Variants in AP2A2 observed in about 807,000 individuals in gnomAD.
AP2A2 encodes the protein AP-2 complex subunit alpha-2.
A neutral mutation model predicts 104.2 loss-of-function variants in AP2A2; 32 were observed. That is an observed-to-expected ratio of 0.31 (90% CI 0.23 to 0.41). The LOEUF (loss-of-function observed/expected upper bound fraction) is 0.41, where lower values mean the gene tolerates loss of function less well. AP2A2 is among the 10% of genes least tolerant of loss of function. AP2A2 has a pLI of 1.00. For missense variants in AP2A2, 912 were observed against 1,261.0 expected, an observed-to-expected ratio of 0.72 and a Z score of 4.19; for synonymous variants, 539 against 533.3, an observed-to-expected ratio of 1.01 and a Z score of -0.15.
At chr11:958,916 C>T (rs909947106) in intron 1 of AP2A2, among the ~76,000 whole-genome samples, 2 of 152,174 alleles carry the variant, frequency 1.3e-5, no homozygotes, top group Non-Finnish European at 2.9e-5. Context: ...ATGCGTGTTG[C>T]AGAGGCTGCA....
intron 5 of AP2A2, 32 bp from the exon 6 acceptor site, chr11:981,166 G>T: frequency 6.4e-7 from 1 of 1,568,428 alleles, no homozygotes; most frequent in East Asian, 2.3e-5. Context: ...AGCTTCAAGT[G>T]TTCTGACTCT....
chr11:962,058 G>A (rs1854460450), intron 2 of AP2A2, among the ~76,000 whole-genome samples: 1 of 152,266 alleles, frequency 6.6e-6, no homozygotes, highest in South Asian at 2.1e-4. Flanking sequence ...CCATCAGGGA[G>A]CTCGGGAGCC....
chr11:1,000,195 T>C (rs1157753177), intron 14 of AP2A2, among the ~76,000 whole-genome samples: 2 of 152,150 alleles, frequency 1.3e-5, no homozygotes, highest in African/African-American at 4.8e-5. Flanking sequence ...CTTAGTGAAA[T>C]TATGACTGAT....
chr11:994,953 G>T (rs1236291606), intron 14 of AP2A2, among the ~76,000 whole-genome samples: 2 of 123,684 alleles, frequency 1.6e-5, no homozygotes, highest in Non-Finnish European at 3.6e-5. Context: ...TGCACACCCC[G>T]CTGGCTTGTC....
chr11:988,055 G>A (rs1026823059), intron 9 of AP2A2, among the ~76,000 whole-genome samples: 1 of 152,272 alleles, frequency 6.6e-6, no homozygotes, highest in Non-Finnish European at 1.5e-5. Flanking sequence ...TAGCGCTGGT[G>A]GTGCCCACTC....
intron 1 of AP2A2, among the ~76,000 whole-genome samples, chr11:930,036 G>T (rs1354341989): frequency 2.0e-5 from 3 of 150,072 alleles, no homozygotes; most frequent in Non-Finnish European, 4.4e-5. Flanking sequence ...CGGAAGAATC[G>T]CTTGAACCCA....
intron 4 of AP2A2, among the ~76,000 whole-genome samples, chr11:973,170 A>G (rs1854892627): frequency 1.3e-5 from 2 of 152,202 alleles, no homozygotes; most frequent in African/African-American, 4.8e-5. Context: ...CACAGTGAGG[A>G]CTGGAGACAA....
chr11:942,402 C>A (rs185225023), intron 1 of AP2A2: 1 of 152,184 alleles, frequency 6.6e-6, no homozygotes, highest in Admixed American at 6.5e-5. Flanking sequence ...GTGGTATGTA[C>A]TTTGCAAACC....
intron 1 of AP2A2, among the ~76,000 whole-genome samples, chr11:953,615 C>G (rs1854126202): frequency 2.6e-5 from 3 of 116,232 alleles, no homozygotes; most frequent in Non-Finnish European, 6.1e-5. Context: ...TGGCTCCGTC[C>G]TGGCTCCGTC....
At chr11:972,422 C>T (rs546439515) in intron 4 of AP2A2, among the ~76,000 whole-genome samples, 167 bp downstream of exon 4, 8 of 152,340 alleles carry the variant, frequency 5.3e-5, no homozygotes, top group Middle Eastern at 3.4e-3. Flanking sequence ...AGGCCGGGCA[C>T]GGTGGCTCAC....
Position 992,981 on chromosome 11 carries a change from G to A in AP2A2, c.1452+296G>A, listed in dbSNP as rs1340037545. Among the ~76,000 whole-genome samples the A allele has an allele frequency of 1.3e-5, 2 of 152,298 alleles. No individual in the cohort carries two copies. Among genetic ancestry groups the A allele is most frequent in the Non-Finnish European group, 1.5e-5 (1 of 68,016 alleles). On this transcript the variant is annotated intron_variant, in intron 11 of 21. Transcript: ENST00000448903. The surrounding 1 kb of genome is among the most constrained non-coding windows in gnomAD (Gnocchi z 6.4). Reference sequence around the variant, plus strand: ...CGTGGTGGGGCCTGCCCTGTCCGTCGGAGAGGGTTAGGCCACCGGCAAGGG... The same window carrying A: ...CGTGGTGGGGCCTGCCCTGTCCGTCAGAGAGGGTTAGGCCACCGGCAAGGG...
Position 1,009,043 on chromosome 11 carries a change from C to G in AP2A2, c.2421-57C>G. On this transcript the variant is annotated intron_variant, in intron 18 of 21. Coordinates refer to ENST00000448903, the MANE Select transcript of AP2A2 (RefSeq NM_012305.4). ...CTCACTCCAGGCTCTTTCCCGGTCC[C>G]TGGGGCTCTCAGAGGAGTAGCTGAC... 4.2e-6 allele frequency: 6 copies of G among 1,434,028 alleles called. 1 individual carries two copies. Among genetic ancestry groups the G allele is most frequent in the East Asian group, 4.6e-5 (2 of 43,174 alleles). The allele number at this position is 1,434,028 out of a possible 1,614,324, so 88.8% of individuals were successfully genotyped here. A position where few individuals can be genotyped will look rare whatever the true frequency, so the allele number is the denominator to read the frequency against.
chr11:930,075 T>C (rs960978613), intron 1 of AP2A2, among the ~76,000 whole-genome samples: 4 of 147,144 alleles, frequency 2.7e-5, no homozygotes, highest in African/African-American at 1.0e-4. Flanking sequence ...GAGCTGAGAT[T>C]GTGCCATTGC....
intron 2 of AP2A2, among the ~76,000 whole-genome samples, chr11:963,049 T>A (rs547260614): frequency 6.6e-6 from 1 of 152,034 alleles, no homozygotes; most frequent in Non-Finnish European, 1.5e-5. Context: ...GGCAGCCTCA[T>A]TGAAAAAAAG....
chr11:963,280 G>T (rs1356905837), intron 2 of AP2A2, among the ~76,000 whole-genome samples: 6 of 152,002 alleles, frequency 3.9e-5, no homozygotes, highest in Admixed American at 2.6e-4. Flanking sequence ...ACAAGAATTA[G>T]CTGGGCATGG....
At chr11:959,621 T>C in intron 2 of AP2A2, 116 bp downstream of exon 2, 1 of 720,200 alleles carries the variant, frequency 1.4e-6, no homozygotes, top group Non-Finnish European at 2.3e-6. Context: ...TCTCAGTTTG[T>C]ACAGTTTCTA....
intron 1 of AP2A2, among the ~76,000 whole-genome samples, chr11:944,693 T>C (rs1853774288): frequency 6.6e-6 from 1 of 152,030 alleles, no homozygotes; most frequent in Admixed American, 6.6e-5. Context: ...AAGGCAGCAG[T>C]TGAGCAAGGA....
intron 14 of AP2A2, among the ~76,000 whole-genome samples, chr11:997,650 A>G (rs370760258): frequency 8.5e-5 from 13 of 152,356 alleles, no homozygotes; most frequent in African/African-American, 3.1e-4. Context: ...CACACCTGTA[A>G]TCCCAGCGCT....
At chr11:931,657 A>T (rs1853295678) in intron 1 of AP2A2, among the ~76,000 whole-genome samples, 1 of 152,140 alleles carries the variant, frequency 6.6e-6, no homozygotes, top group African/African-American at 2.4e-5. Flanking sequence ...AGATGGAGAG[A>T]TGTTATTAGC....
Sources: allele counts gnomAD v4.1 joint callset (sites outside exome capture counted in the v4.1 genomes callset), GRCh38; gene constraint gnomAD v4.1.1; non-coding constraint Gnocchi (gnomAD v3.1); transcripts MANE v1.5; gene names NCBI Gene and HGNC (gene_info 2026-07-23, HGNC 2026-07-21).